The following ZNF483 variants were observed in gnomAD, a reference collection of about 807,000 sequenced individuals.
ZNF483 encodes the protein zinc finger protein 483, also known as zinc finger protein HIT-10.
Under a neutral mutation model 28.6 loss-of-function variants are expected in ZNF483, and 9 were observed. That is an observed-to-expected ratio of 0.32 (90% CI 0.19 to 0.55). ZNF483 has a LOEUF of 0.55. ZNF483 is among the 20% of genes least tolerant of loss of function. ZNF483 has a pLI of 0.93. For synonymous variants in ZNF483, 322 were observed against 306.2 expected, an observed-to-expected ratio of 1.05 and a Z score of -0.54; for missense variants, 675 against 871.7, an observed-to-expected ratio of 0.77 and a Z score of 2.84.
At chr9:111,534,548 T>G (rs1827432646) in intron 5 of ZNF483, among the ~76,000 whole-genome samples, 195 bp downstream of exon 5, 1 of 151,962 alleles carries the variant, frequency 6.6e-6, no homozygotes, top group African/African-American at 2.4e-5. Context: ...AGGACATGAT[T>G]AGCCATGTAA....
intron 5 of ZNF483, among the ~76,000 whole-genome samples, chr9:111,536,398 G>T (rs1034758753): frequency 1.3e-5 from 2 of 151,716 alleles, no homozygotes; most frequent in African/African-American, 4.8e-5. Context: ...GGTGGTGGGC[G>T]CCTGTAATCC....
At chr9:111,568,302 C>G (rs1233125207) in intron 5 of ZNF483, among the ~76,000 whole-genome samples, 1 of 152,098 alleles carries the variant, frequency 6.6e-6, no homozygotes, top group Non-Finnish European at 1.5e-5. Context: ...CTATAAATGG[C>G]TGCTCTGGGA....
chr9:111,541,176 G>A (rs559673029), intron 5 of ZNF483, among the ~76,000 whole-genome samples: 46 of 142,722 alleles, frequency 3.2e-4, no homozygotes, highest in Non-Finnish European at 4.9e-4. Flanking sequence ...TGTAACCTCC[G>A]CCTCCTGGGT....
In ZNF483 at chr9:111,543,190, T is replaced by G. The variant is rs1564598115; in HGVS notation, c.*20T>G. 1.3e-6 allele frequency: 2 copies of G among 1,561,316 alleles called. No homozygotes were observed. Among genetic ancestry groups the G allele is most frequent in the Admixed American group, 1.9e-5 (1 of 52,824 alleles). On this transcript the variant is annotated 3_prime_UTR_variant, in exon 6 of 6. Transcript: ENST00000309235. ...GAGTAATCCTGGAACTACATTAAAG[T>G]GGGGGGAATTTAATTCAAATTGTCA...
At chr9:111,576,063 G>A (rs1272364029) in intron 5 of ZNF483, among the ~76,000 whole-genome samples, 1 of 152,040 alleles carries the variant, frequency 6.6e-6, no homozygotes, top group African/African-American at 2.4e-5. Flanking sequence ...GGGAGGCTGA[G>A]GCAGGAGGTT....
rs1482301736 is a variant in ZNF483 at position 111,547,554 on chromosome 9, C to T, written c.*4384C>T. On this transcript the variant is annotated 3_prime_UTR_variant, in exon 6 of 6. Coordinates refer to ENST00000309235, the MANE Select transcript of ZNF483 (RefSeq NM_133464.5). ...TATCCAGAATATATAAAGAACTTTT[C>T]AGATAAATGATTTGCAAATACTTTC... is the stretch of plus-strand genomic sequence containing the variant. Among the ~76,000 whole-genome samples the T allele has an allele frequency of 2.0e-5, 3 of 152,128 alleles. No individual in the cohort carries two copies. Among genetic ancestry groups the T allele is most frequent in the African/African-American group, 7.2e-5 (3 of 41,456 alleles).
In ZNF483 at chr9:111,527,813, A is replaced by AT. The variant is rs1564589644; in HGVS notation, c.412+9dup. 2.5e-6 allele frequency: 4 copies of AT among 1,613,982 alleles called. No individual in the cohort carries two copies. The South Asian group carries it at 3.3e-5, about 13-fold the overall frequency. On this transcript the variant is annotated splice_region_variant and intron_variant, in intron 2 of 5. Transcript: ENST00000309235. ...CCAGATGCTTGAAGAAAAAGGTGAG[A>AT]TTTATAGATGGAGGGAGGAAGCGGG...
chr9:111,526,893 A>G (rs989504759), intron 1 of ZNF483, among the ~76,000 whole-genome samples: 1 of 152,158 alleles, frequency 6.6e-6, no homozygotes, highest in African/African-American at 2.4e-5. Context: ...TGAAGTCAGG[A>G]GTTCAAGACT....
Position 111,552,856 on chromosome 9 carries a change from G to A in ZNF483, c.*9686G>A, listed in dbSNP as rs968116771. On this transcript the variant is annotated 3_prime_UTR_variant, in exon 6 of 6. Transcript: ENST00000309235. ...TTCATGTATATCCAAGAGCAAAATTGTTTAATGGTTTCATTGACGTTTTCA... is the reference window on the plus strand; with the variant it reads ...TTCATGTATATCCAAGAGCAAAATTATTTAATGGTTTCATTGACGTTTTCA... 6.6e-6 allele frequency among the ~76,000 whole-genome samples: 1 copy of A among 152,102 alleles called. No individual in the cohort carries two copies. Among genetic ancestry groups the A allele is most frequent in the African/African-American group, 2.4e-5 (1 of 41,448 alleles).
At chr9:111,560,488 AAG>A (rs1554816246) in intron 5 of ZNF483, among the ~76,000 whole-genome samples, 3 of 147,368 alleles carry the variant, frequency 2.0e-5, no homozygotes, top group Non-Finnish European at 3.0e-5. Flanking sequence ...AAAAAAAAAA[AAG>A]ATCAGCCGGG....
At position 111,544,965 on chromosome 9, in the gene ZNF483, T is replaced by C. The variant is rs1827771463; in HGVS notation, c.*1795T>C. On this transcript the variant is annotated 3_prime_UTR_variant, in exon 6 of 6. Transcript: ENST00000309235. ...TAAAAAGAGAGCTAAACCAGAAAAC[T>C]CTTCACTTATGGAAGTAAAGCGATC... 2.0e-5 allele frequency among the ~76,000 whole-genome samples: 3 copies of C among 152,156 alleles called. No homozygotes were observed. Among genetic ancestry groups the C allele is most frequent in the African/African-American group, 7.2e-5 (3 of 41,430 alleles).
At chr9:111,525,624 C>T (rs1405222252) in intron 1 of ZNF483, among the ~76,000 whole-genome samples, 1 of 152,150 alleles carries the variant, frequency 6.6e-6, no homozygotes, top group Non-Finnish European at 1.5e-5. Context: ...AAAATGTGTC[C>T]AGACATTGCC....
rs1827988361 is a variant in ZNF483 at position 111,552,252 on chromosome 9, A to G, written c.*9082A>G. Among the ~76,000 whole-genome samples, 1 of 152,152 alleles carries G rather than the reference A, an allele frequency of 6.6e-6. No homozygotes were observed. Among genetic ancestry groups the G allele is most frequent in the South Asian group, 2.1e-4 (1 of 4,834 alleles). ...TTCTTTTGTAAGTCATCCAGGTAAC[A>G]TTGGTAAAGAAACAAGATCATTAGA... On this transcript the variant is annotated 3_prime_UTR_variant, in exon 6 of 6. Transcript: ENST00000309235.
chr9:111,562,738 G>A (rs554980126), intron 5 of ZNF483: 124 of 182,832 alleles, frequency 6.8e-4, no homozygotes, highest in African/African-American at 2.7e-3. Context: ...TTATCCTGAT[G>A]CTCTCCCTCC....
chr9:111,561,144 A>G (rs1031306901), intron 5 of ZNF483, among the ~76,000 whole-genome samples: 1 of 51,448 alleles, frequency 1.9e-5, no homozygotes, highest in East Asian at 4.4e-4. Flanking sequence ...GAGAGGAGAG[A>G]GAGGGAGAGA....
chr9:111,536,202 A>G (rs1210046028), intron 5 of ZNF483, among the ~76,000 whole-genome samples: 4 of 151,126 alleles, frequency 2.6e-5, no homozygotes, highest in Admixed American at 6.6e-5. Context: ...CAATTTATAT[A>G]TATATATTAA....
In ZNF483 at chr9:111,544,707, A is replaced by C. The variant is rs1827765152; in HGVS notation, c.*1537A>C. On this transcript the variant is annotated 3_prime_UTR_variant, in exon 6 of 6. Transcript: ENST00000309235. ...TTGATACAGAAAAAATTTTCAGTTA[A>C]GTTTTCTTTTGTGAAATTAGACCTC... 6.6e-6 allele frequency among the ~76,000 whole-genome samples: 1 copy of C among 152,170 alleles called. No homozygotes were observed. Among genetic ancestry groups the C allele is most frequent in the Admixed American group, 6.5e-5 (1 of 15,280 alleles).
chr9:111,554,159 A>G lies in ZNF483; in HGVS notation c.*10989A>G. ...CACAACTACAACTATTGACATCACA[A>G]ACTACTACTATTATGTTATTGGAAC... On this transcript the variant is annotated 3_prime_UTR_variant, in exon 6 of 6. Coordinates refer to ENST00000309235, the MANE Select transcript of ZNF483 (RefSeq NM_133464.5). Among the ~76,000 whole-genome samples, 1 of 152,200 alleles carries G rather than the reference A, an allele frequency of 6.6e-6. No homozygotes were observed. Among genetic ancestry groups the G allele is most frequent in the East Asian group, 1.9e-4 (1 of 5,198 alleles).
At position 111,554,869 on chromosome 9, in the gene ZNF483, A is replaced by G. The variant is rs1244141756; in HGVS notation, c.*11699A>G. ...AAAGTCTAATCTGCTCAGGGTCTAC[A>G]ACTGAAGTCCAGGGTCTTTGAGTTA... On this transcript the variant is annotated 3_prime_UTR_variant, in exon 6 of 6. Transcript: ENST00000309235. 6.6e-6 allele frequency among the ~76,000 whole-genome samples: 1 copy of G among 152,218 alleles called. No homozygotes were observed. Among genetic ancestry groups the G allele is most frequent in the Non-Finnish European group, 1.5e-5 (1 of 68,034 alleles).
Sources: allele counts gnomAD v4.1 joint callset (sites outside exome capture counted in the v4.1 genomes callset), GRCh38; gene constraint gnomAD v4.1.1; transcripts MANE v1.5; gene names NCBI Gene and HGNC (gene_info 2026-07-23, HGNC 2026-07-21).